The following GADL1 variants were observed in gnomAD, a reference collection of about 807,000 sequenced individuals.
GADL1 encodes GAD like acidic amino acid decarboxylase 1, also known as acidic amino acid decarboxylase GADL1.
In GADL1, 71 loss-of-function variants were observed where a neutral mutation model predicts 69.5. The ratio of observed to expected loss-of-function variants is 1.02; its 90% CI spans 0.84 to 1.25. The LOEUF is 1.25. Among genes scored for constraint, GADL1 ranks in the 50% most tolerant of loss-of-function variants. The pLI is 0.00. For synonymous variants in GADL1, 254 were observed against 214.4 expected (o/e 1.18, Z -1.62); for missense variants, 737 against 631.8 (o/e 1.17, Z -1.79).
intron 14 of GADL1, among the ~76,000 whole-genome samples, chr3:30,741,190 ATGTGTGTG>A (rs60283911): frequency 2.3e-5 from 3 of 132,632 alleles, no homozygotes; most frequent in South Asian, 2.3e-4. Context: ...TTATATAATT[ATGTGTGTG>A]TGTGTGTGTG....
At position 30,827,711 on chromosome 3, in the gene GADL1, T is replaced by A. The variant is rs892733893; in HGVS notation, c.1050+6142A>T. ...TGGAAAGAAAATTACCCGTTGCTTA[T>A]TATAATTTTAAAAATACAAGAATTA... On this transcript the variant is annotated intron_variant, in intron 11 of 14. Coordinates refer to ENST00000282538, the MANE Select transcript of GADL1 (RefSeq NM_207359.3). Among the ~76,000 whole-genome samples the A allele has an allele frequency of 4.6e-5, 7 of 151,884 alleles. No individual in the cohort carries two copies. The East Asian group carries it at 1.2e-3, about 25-fold the overall frequency.
intron 14 of GADL1, among the ~76,000 whole-genome samples, chr3:30,757,622 A>G (rs1343459242): frequency 6.6e-6 from 1 of 152,220 alleles, no homozygotes; most frequent in Non-Finnish European, 1.5e-5. Context: ...TCTAGGGCAC[A>G]TAACCCCCCC....
rs562721363 is a variant in GADL1 at position 30,853,894 on chromosome 3, G to A, written c.428+805C>T. On this transcript the variant is annotated intron_variant, in intron 4 of 14. Coordinates refer to ENST00000282538, the MANE Select transcript of GADL1 (RefSeq NM_207359.3). ...ATTTATATTTTTAGAGATTTTTTCA[G>A]TAAGAAAATGGCACCTAGTGACTTA... Among the ~76,000 whole-genome samples the A allele has an allele frequency of 2.6e-5, 4 of 152,106 alleles. No individual in the cohort carries two copies. In the South Asian group the frequency reaches 8.3e-4, roughly 32 times the overall value.
At chr3:30,759,287 A>G (rs904813893) in intron 14 of GADL1, among the ~76,000 whole-genome samples, 1 of 151,926 alleles carries the variant, frequency 6.6e-6, no homozygotes, top group Non-Finnish European at 1.5e-5. Context: ...TTCTTCCAAA[A>G]TTAGCCAGAG....
chr3:30,852,792 A>T (rs1475982033), intron 4 of GADL1, among the ~76,000 whole-genome samples: 2 of 151,916 alleles, frequency 1.3e-5, no homozygotes, highest in Non-Finnish European at 2.9e-5. Flanking sequence ...GCAATTTAAC[A>T]CTCCTTTAAT....
chr3:30,806,761 G>A (rs11129424), intron 11 of GADL1, among the ~76,000 whole-genome samples: 26,485 of 152,140 alleles, frequency 0.17, 2,576 homozygotes, highest in Admixed American at 0.31. Flanking sequence ...ACAGATGAGA[G>A]AACAGAACTA....
chr3:30,751,908 C>G (rs1420693875), intron 14 of GADL1, among the ~76,000 whole-genome samples: 1 of 152,166 alleles, frequency 6.6e-6, no homozygotes, highest in African/African-American at 2.4e-5. Flanking sequence ...AATCTTGTTT[C>G]TCTCCCCAAT....
intron 14 of GADL1, among the ~76,000 whole-genome samples, chr3:30,753,059 T>C (rs1390293943): frequency 1.3e-5 from 2 of 152,302 alleles, no homozygotes; most frequent in African/African-American, 4.8e-5. Context: ...CCAGCTACTC[T>C]TTAAAATCAA....
At chr3:30,755,173 C>CT (rs1254734476) in intron 14 of GADL1, among the ~76,000 whole-genome samples, 1 of 152,178 alleles carries the variant, frequency 6.6e-6, no homozygotes, top group Non-Finnish European at 1.5e-5. Context: ...ACCACAAAAA[C>CT]TAACCTGTAC....
At chr3:30,818,219 C>T (rs1454552782) in intron 11 of GADL1, among the ~76,000 whole-genome samples, 1 of 152,128 alleles carries the variant, frequency 6.6e-6, no homozygotes, top group African/African-American at 2.4e-5. Context: ...TCTAATTTAG[C>T]TTTGCTGGTC....
chr3:30,734,400 G>A (rs1023262414), intron 14 of GADL1, among the ~76,000 whole-genome samples: 5 of 152,156 alleles, frequency 3.3e-5, no homozygotes, highest in African/African-American at 9.7e-5. Context: ...TATTCTGCCT[G>A]TAAATATGAA....
chr3:30,737,567 A>G (rs1695557094), intron 14 of GADL1, among the ~76,000 whole-genome samples: 2 of 151,996 alleles, frequency 1.3e-5, no homozygotes, highest in South Asian at 4.1e-4. Context: ...ATACAACCTT[A>G]CTCATTTCCC....
chr3:30,846,099 C>CTG (rs1376740390), intron 6 of GADL1, among the ~76,000 whole-genome samples: 34 of 150,294 alleles, frequency 2.3e-4, no homozygotes, highest in African/African-American at 7.8e-4. Context: ...GTTTAAACAT[C>CTG]TGAAAGCTTC....
chr3:30,864,657 A>G (rs935630065), intron 1 of GADL1, among the ~76,000 whole-genome samples: 2 of 151,954 alleles, frequency 1.3e-5, no homozygotes, highest in African/African-American at 4.8e-5. Context: ...GGCCCTCTGG[A>G]GACTCTAGAA....
chr3:30,764,861 C>G (rs1009586690), intron 14 of GADL1, among the ~76,000 whole-genome samples: 1 of 152,164 alleles, frequency 6.6e-6, no homozygotes, highest in Admixed American at 6.5e-5. Flanking sequence ...TGCTGTGGCA[C>G]TGCCAACATT....
At chr3:30,795,970 T>C (rs1007316644) in intron 12 of GADL1, among the ~76,000 whole-genome samples, 1 of 152,234 alleles carries the variant, frequency 6.6e-6, no homozygotes, top group African/African-American at 2.4e-5. Context: ...TCAATTCAAC[T>C]TGACAAACAT....
chr3:30,778,393 A>C (rs1696587842), intron 13 of GADL1, 125 bp from the exon 14 acceptor site: 1 of 637,958 alleles, frequency 1.6e-6, no homozygotes, highest in South Asian at 2.2e-5. Flanking sequence ...TAACATCAGA[A>C]TCTTATAGAG....
chr3:30,893,518 T>C (rs1698813517), intron 1 of GADL1, among the ~76,000 whole-genome samples: 1 of 152,152 alleles, frequency 6.6e-6, no homozygotes, highest in Admixed American at 6.5e-5. Context: ...TTGACCTACC[T>C]TTCTACAGCC....
At position 30,816,735 on chromosome 3, in the gene GADL1, A is replaced by G. The variant is rs545006524; in HGVS notation, c.1051-15647T>C. On this transcript the variant is annotated intron_variant, in intron 11 of 14. Transcript: ENST00000282538. Reference sequence around the variant, plus strand: ...TACTTTTTGTGTTTTTGGTAGAGACAGGATTTCACCACGTTGGCCAGACTG... The same window carrying G: ...TACTTTTTGTGTTTTTGGTAGAGACGGGATTTCACCACGTTGGCCAGACTG... Among the ~76,000 whole-genome samples the G allele has an allele frequency of 7.9e-5, 12 of 151,402 alleles. 1 individual carries two copies. Among genetic ancestry groups the G allele is most frequent in the African/African-American group, 2.4e-4 (10 of 41,278 alleles).
Sources: gnomAD v4.1 joint callset for allele counts (sites outside exome capture counted in the v4.1 genomes callset) on GRCh38, gnomAD v4.1.1 for gene constraint, MANE v1.5 for transcripts, NCBI Gene and HGNC (gene_info 2026-07-23, HGNC 2026-07-21) for gene names.